Variants in EBF1 observed in about 807,000 individuals in gnomAD.
EBF1 encodes the protein EBF transcription factor 1, also known as transcription factor COE1.
A neutral mutation model predicts 68.4 loss-of-function variants in EBF1; 10 were observed. The ratio of observed to expected loss-of-function variants is 0.15; its 90% CI spans 0.09 to 0.25. EBF1 has a LOEUF of 0.25. Ranked by LOEUF, EBF1 falls within the 10% of genes least tolerant of loss-of-function variation. The pLI is 1.00. For missense variants in EBF1, 509 were observed against 794.4 expected (o/e 0.64, Z 4.32); for synonymous variants, 298 against 299.8 (o/e 0.99, Z 0.06).
chr5:158,818,752 T>C (rs1397427871), intron 8 of EBF1, among the ~76,000 whole-genome samples: 1 of 152,188 alleles, frequency 6.6e-6, no homozygotes, highest in East Asian at 1.9e-4. Flanking sequence ...TTTCAATCAT[T>C]TTCCATTTTT....
chr5:158,705,701 A>C (rs1286675176), intron 15 of EBF1, among the ~76,000 whole-genome samples: 1 of 152,214 alleles, frequency 6.6e-6, no homozygotes, highest in Non-Finnish European at 1.5e-5. Flanking sequence ...AAACCCAGGA[A>C]GTCATAAGAT....
At chr5:159,076,282 T>C (rs1183508649) in intron 5 of EBF1, among the ~76,000 whole-genome samples, 3 of 152,140 alleles carry the variant, frequency 2.0e-5, no homozygotes, top group Admixed American at 1.3e-4. Flanking sequence ...ATGTTATGTA[T>C]TGGGGGGCAA....
chr5:158,899,742 C>T (rs903494872), intron 6 of EBF1, among the ~76,000 whole-genome samples: 9 of 151,898 alleles, frequency 5.9e-5, no homozygotes, highest in East Asian at 1.9e-4. Flanking sequence ...CTATTTAGAC[C>T]GAAGGAAAAT....
At chr5:158,813,883 G>C (rs1401581920) in intron 8 of EBF1, among the ~76,000 whole-genome samples, 1 of 152,180 alleles carries the variant, frequency 6.6e-6, no homozygotes, top group African/African-American at 2.4e-5. Flanking sequence ...GCACATCAAA[G>C]CTTCCACTTG....
chr5:158,964,044 G>A (rs1486077942), intron 6 of EBF1, among the ~76,000 whole-genome samples: 3 of 152,148 alleles, frequency 2.0e-5, no homozygotes, highest in African/African-American at 7.2e-5. Flanking sequence ...GGTCCAAGAA[G>A]GCCCCTTTGA....
chr5:158,947,353 G>A (rs1471563928), intron 6 of EBF1, among the ~76,000 whole-genome samples: 1 of 152,234 alleles, frequency 6.6e-6, no homozygotes, highest in African/African-American at 2.4e-5. Flanking sequence ...TGGTCTGTGG[G>A]TTGTGAAGAG....
chr5:158,990,044 A>T (rs184744857), intron 6 of EBF1, among the ~76,000 whole-genome samples: 307 of 152,346 alleles, frequency 2.0e-3, no homozygotes, highest in Middle Eastern at 3.4e-3. Flanking sequence ...GGAGGGGGTG[A>T]TTAAGAGACG....
At chr5:158,988,281 T>A (rs1759543680) in intron 6 of EBF1, among the ~76,000 whole-genome samples, 2 of 152,268 alleles carry the variant, frequency 1.3e-5, no homozygotes, top group South Asian at 4.2e-4. Flanking sequence ...CTGCCCCTGG[T>A]CCATTCTTCA....
rs1755922515 is a variant in EBF1 at position 158,697,285 on chromosome 5, T to G, written c.*1826A>C. 1.6e-5 allele frequency: 3 copies of G among 185,814 alleles called. No homozygotes were observed. In the South Asian group the frequency reaches 6.0e-4, roughly 37 times the overall value. The allele number at this position is 185,814 out of a possible 1,614,324, so 11.5% of individuals were successfully genotyped here. ...TAATATGCTACTATTTTTTTTTTTT[T>G]GCCATATATTGGAAAAAACTTCTTA... On this transcript the variant is annotated 3_prime_UTR_variant, in exon 16 of 16. Coordinates refer to ENST00000313708, the MANE Select transcript of EBF1 (RefSeq NM_024007.5).
chr5:158,712,769 T>C lies in EBF1; in HGVS notation c.1369+201A>G, dbSNP rs1259522029. ...AAATGTAGAGAGATGGCTAAATGCATGCATCCTTTCTAGCCCTCTATATTA... is the reference window on the plus strand; with the variant it reads ...AAATGTAGAGAGATGGCTAAATGCACGCATCCTTTCTAGCCCTCTATATTA... On this transcript the variant is annotated intron_variant, in intron 13 of 15. Coordinates refer to ENST00000313708, the MANE Select transcript of EBF1 (RefSeq NM_024007.5). Among the ~76,000 whole-genome samples the C allele has an allele frequency of 3.3e-5, 5 of 152,224 alleles. No individual in the cohort carries two copies. The East Asian group carries it at 9.6e-4, about 29-fold the overall frequency.
At chr5:158,866,797 T>C (rs1314585852) in intron 6 of EBF1, among the ~76,000 whole-genome samples, 3 of 142,546 alleles carry the variant, frequency 2.1e-5, no homozygotes, top group African/African-American at 7.9e-5. Context: ...AACTATACAC[T>C]GGGGACTCCA....
chr5:158,800,787 G>C (rs2127759348), intron 8 of EBF1, among the ~76,000 whole-genome samples: 1 of 152,196 alleles, frequency 6.6e-6, no homozygotes, highest in Middle Eastern at 3.4e-3. Context: ...TGGATTCAGT[G>C]GAATTTGACT....
At chr5:159,063,386 G>A (rs1776200756) in intron 6 of EBF1, among the ~76,000 whole-genome samples, 1 of 152,168 alleles carries the variant, frequency 6.6e-6, no homozygotes, top group Non-Finnish European at 1.5e-5. Flanking sequence ...TGAGCTAAAA[G>A]GTGACTTTAA....
At chr5:159,047,952 C>G (rs1489116468) in intron 6 of EBF1, among the ~76,000 whole-genome samples, 1 of 152,148 alleles carries the variant, frequency 6.6e-6, no homozygotes, top group East Asian at 1.9e-4. Flanking sequence ...GCATTTCAGA[C>G]AGAAGAAAAA....
intron 6 of EBF1, among the ~76,000 whole-genome samples, chr5:159,000,095 T>C (rs576734952): frequency 2.6e-5 from 4 of 152,322 alleles, no homozygotes; most frequent in African/African-American, 9.6e-5. Context: ...AAGCAATTCA[T>C]GCCTTGTGAA....
chr5:158,969,924 A>AAG (rs761760536), intron 6 of EBF1, among the ~76,000 whole-genome samples: 3,155 of 114,832 alleles, frequency 0.027, 80 homozygotes, highest in Non-Finnish European at 0.034. Flanking sequence ...AAGAAAAAAA[A>AAG]AAAAAAGGCT....
In EBF1 at chr5:158,698,570, T is replaced by C. The variant is rs1375385194; in HGVS notation, c.*541A>G. 1 of 222,966 alleles carries C rather than the reference T, an allele frequency of 4.5e-6. No homozygotes were observed. The highest frequency in any genetic ancestry group is 9.0e-6 in the Non-Finnish European group (1 of 111,266). The allele number at this position is 222,966 out of a possible 1,614,324, so 13.8% of individuals were successfully genotyped here. ...TGAGCTAACTACCATTTGATATGCT[T>C]TAAGGCGCAAAAGCCGACCCTTAGT... On this transcript the variant is annotated 3_prime_UTR_variant, in exon 16 of 16. Transcript: ENST00000313708.
At chr5:158,719,295 T>A (rs1761432623) in intron 11 of EBF1, among the ~76,000 whole-genome samples, 1 of 152,184 alleles carries the variant, frequency 6.6e-6, no homozygotes, top group South Asian at 2.1e-4. Flanking sequence ...GTACAGACAT[T>A]ATCTCAAGTT....
chr5:158,719,274 A>C (rs1761428594), intron 11 of EBF1, among the ~76,000 whole-genome samples: 1 of 152,150 alleles, frequency 6.6e-6, no homozygotes, highest in Non-Finnish European at 1.5e-5. Flanking sequence ...TAATACAATG[A>C]ATCATGTCTA....
Sources: gnomAD v4.1 joint callset for allele counts (sites outside exome capture counted in the v4.1 genomes callset) on GRCh38, gnomAD v4.1.1 for gene constraint, MANE v1.5 for transcripts, NCBI Gene and HGNC (gene_info 2026-07-23, HGNC 2026-07-21) for gene names.